STAC: variants seen among roughly 807,000 people sequenced by gnomAD.
The protein encoded by STAC is SH3 and cysteine rich domain.
Under a neutral mutation model 48.8 loss-of-function variants are expected in STAC, and 43 were observed. The ratio of observed to expected loss-of-function variants is 0.88; its 90% CI spans 0.69 to 1.14. The LOEUF (loss-of-function observed/expected upper bound fraction) is 1.14. Among genes scored for constraint, STAC ranks in the 50% most tolerant of loss-of-function variants. The pLI is 0.00. For missense variants in STAC, 497 were observed against 504.0 expected (o/e 0.99, Z 0.13); for synonymous variants, 193 against 179.5 (o/e 1.07, Z -0.60).
chr3:36,484,419 CCCTTCT>C (rs1697744005), intron 3 of STAC, among the ~76,000 whole-genome samples: 1 of 152,156 alleles, frequency 6.6e-6, no homozygotes. Flanking sequence ...CCCCTGCTTC[CCCTTCT>C]CCTTCTCCAG....
intron 6 of STAC, among the ~76,000 whole-genome samples, chr3:36,498,708 A>G (rs993223711): frequency 6.6e-6 from 1 of 152,110 alleles, no homozygotes; most frequent in East Asian, 1.9e-4. Context: ...AGCCATGATT[A>G]TGCCACTGTA....
chr3:36,407,648 C>T (rs73059913), intron 1 of STAC, among the ~76,000 whole-genome samples: 3,540 of 152,292 alleles, frequency 0.023, 61 homozygotes, highest in East Asian at 0.026. Context: ...TAACACTAGA[C>T]GCTATTAACC....
intron 8 of STAC, among the ~76,000 whole-genome samples, chr3:36,519,121 G>T (rs1437657310): frequency 6.6e-6 from 1 of 152,174 alleles, no homozygotes; most frequent in Non-Finnish European, 1.5e-5. Flanking sequence ...AGGGAATAAT[G>T]GGGTTAAACT....
chr3:36,457,404 G>A (rs2125680769), intron 2 of STAC, among the ~76,000 whole-genome samples: 1 of 152,282 alleles, frequency 6.6e-6, no homozygotes, highest in Admixed American at 6.5e-5. Context: ...GCATTTTGTG[G>A]ACTATAAGAC....
intron 2 of STAC, among the ~76,000 whole-genome samples, chr3:36,450,628 C>T (rs542729459): frequency 4.6e-5 from 7 of 152,266 alleles, no homozygotes; most frequent in East Asian, 3.9e-4. Context: ...CAGGTTCAAG[C>T]GATTCTCCTG....
intron 10 of STAC, among the ~76,000 whole-genome samples, chr3:36,537,717 A>G (rs1264418469): frequency 6.6e-6 from 1 of 152,160 alleles, no homozygotes; most frequent in Non-Finnish European, 1.5e-5. Context: ...AAATAAAATA[A>G]AAATTTTTAA....
At chr3:36,480,766 T>C (rs1697624531) in intron 2 of STAC, among the ~76,000 whole-genome samples, 1 of 152,170 alleles carries the variant, frequency 6.6e-6, no homozygotes, top group African/African-American at 2.4e-5. Flanking sequence ...CGTTGATTAA[T>C]CAACTTCCAC....
intron 1 of STAC, among the ~76,000 whole-genome samples, chr3:36,434,743 G>A (rs1326896866): frequency 6.6e-6 from 1 of 152,208 alleles, no homozygotes; most frequent in African/African-American, 2.4e-5. Flanking sequence ...ATGTGCCGCT[G>A]TGGAACAGAC....
chr3:36,398,372 GAAAGAGAGAA>G (rs1699911703), intron 1 of STAC, among the ~76,000 whole-genome samples: 2 of 108,390 alleles, frequency 1.8e-5, no homozygotes, highest in Non-Finnish European at 3.9e-5. Context: ...AGAAAGAAAA[GAAAGAGAGAA>G]AGAAAGAAAG....
chr3:36,540,392 G>C (rs978146201), intron 10 of STAC, among the ~76,000 whole-genome samples: 1 of 152,094 alleles, frequency 6.6e-6, no homozygotes, highest in Non-Finnish European at 1.5e-5. Context: ...ATGTGATGAA[G>C]GTTATGGACT....
chr3:36,539,555 G>T (rs1699274777), intron 10 of STAC, among the ~76,000 whole-genome samples: 1 of 152,130 alleles, frequency 6.6e-6, no homozygotes, highest in East Asian at 1.9e-4. Context: ...TTTTATGGCT[G>T]CTTAGTATTC....
At chr3:36,487,384 G>T (rs1697841486) in intron 5 of STAC, among the ~76,000 whole-genome samples, 1 of 152,232 alleles carries the variant, frequency 6.6e-6, no homozygotes. Context: ...CTCACTGAAA[G>T]CCCTGTTCTT....
chr3:36,411,526 G>A (rs1700194455), intron 1 of STAC, among the ~76,000 whole-genome samples: 1 of 152,192 alleles, frequency 6.6e-6, no homozygotes, highest in Non-Finnish European at 1.5e-5. Flanking sequence ...GTGCTGGTGG[G>A]AGAAGTTCCA....
rs1185745149 is a variant in STAC, at chr3:36,547,140, G to A, written c.*851G>A. The A allele has an allele frequency of 2.6e-5, 4 of 152,226 alleles. No homozygotes were observed. Among genetic ancestry groups the A allele is most frequent in the Admixed American group, 2.6e-4 (4 of 15,272 alleles). The allele number at this position is 152,226 out of a possible 1,614,324, so 9.4% of individuals were successfully genotyped here. ...CCTGCTTGAAGGCAATGGACCTGGG[G>A]AAGAGACTATCACAAAAAGTCTCCA... is the stretch of plus-strand genomic sequence containing the variant. On this transcript the variant is annotated 3_prime_UTR_variant, in exon 11 of 11. Transcript: ENST00000273183.
At chr3:36,485,087 G>C (rs1179442380) in intron 4 of STAC, 29 bp downstream of exon 4, 1 of 1,570,700 alleles carries the variant, frequency 6.4e-7, no homozygotes, top group South Asian at 1.2e-5. Context: ...GGGTTGAGTT[G>C]AGTTTGAAGC....
chr3:36,492,053 T>A (rs867088903), intron 5 of STAC, among the ~76,000 whole-genome samples: 194 of 77,764 alleles, frequency 2.5e-3, no homozygotes, highest in African/African-American at 8.3e-3. Context: ...TATATATATA[T>A]ATATATATAT....
At chr3:36,401,746 A>T (rs1700002161) in intron 1 of STAC, among the ~76,000 whole-genome samples, 1 of 152,202 alleles carries the variant, frequency 6.6e-6, no homozygotes, top group Non-Finnish European at 1.5e-5. Flanking sequence ...ATTTTGAAGA[A>T]ATTCAAGACA....
At chr3:36,536,959 A>G (rs1347288271) in intron 10 of STAC, among the ~76,000 whole-genome samples, 1 of 152,184 alleles carries the variant, frequency 6.6e-6, no homozygotes, top group Non-Finnish European at 1.5e-5. Context: ...GCTCAACATC[A>G]CTGATCATTA....
At chr3:36,539,380 AGT>A (rs1699269751) in intron 10 of STAC, among the ~76,000 whole-genome samples, 1 of 152,032 alleles carries the variant, frequency 6.6e-6, no homozygotes, top group Non-Finnish European at 1.5e-5. Flanking sequence ...AAAAGGTCCC[AGT>A]GTGTGTTATT....
Sources: gnomAD v4.1 joint callset for allele counts (sites outside exome capture counted in the v4.1 genomes callset) on GRCh38, gnomAD v4.1.1 for gene constraint, MANE v1.5 for transcripts, NCBI Gene and HGNC (gene_info 2026-07-23, HGNC 2026-07-21) for gene names.